Variants in MYPN observed in about 807,000 individuals in gnomAD.
MYPN encodes sarcomeric protein myopalladin, 145 kDa (MYOP).
MYPN carries 63 observed loss-of-function variants against 129.4 expected under a neutral mutation model. The observed-to-expected ratio is 0.49, with a 90% CI of 0.40 to 0.60. The LOEUF is 0.60. MYPN is among the 20% of genes least tolerant of loss of function. The pLI is 0.00. For missense variants in MYPN, 1,596 were observed against 1,635.4 expected (o/e 0.98, Z 0.42); for synonymous variants, 629 against 600.9 (o/e 1.05, Z -0.68).
chr10:68,175,236 T>C (rs1405562708), intron 11 of MYPN, 87 bp from the exon 12 acceptor site: 1 of 1,439,178 alleles, frequency 6.9e-7, no homozygotes, highest in Non-Finnish European at 9.8e-7. Flanking sequence ...TGGTTTCTGG[T>C]TGTCATTTCA....
At chr10:68,193,797 G>GCACACACA (rs368376657) in intron 13 of MYPN, among the ~76,000 whole-genome samples, 2,306 of 127,542 alleles carry the variant, frequency 0.018, 35 homozygotes, top group African/African-American at 0.044. Flanking sequence ...ATGTGTATGT[G>GCACACACA]CACACACACA....
At chr10:68,170,816 A>C (rs1404007286) in intron 10 of MYPN, among the ~76,000 whole-genome samples, 1 of 152,168 alleles carries the variant, frequency 6.6e-6, no homozygotes, top group African/African-American at 2.4e-5. Flanking sequence ...AGATTATTTT[A>C]ATGTGCAGCC....
In MYPN at chr10:68,161,679, G is replaced by T. The variant is rs939028729; in HGVS notation, c.1460-50G>T. On this transcript the variant is annotated intron_variant, in intron 7 of 19. Coordinates refer to ENST00000358913, the MANE Select transcript of MYPN (RefSeq NM_032578.4). ...ATAGGAAGCTTCTGATGAACATGTA[G>T]TTTCTCAGTAAAATAAATGCTCAGA... 3.3e-6 allele frequency: 5 copies of T among 1,499,106 alleles called. No homozygotes were observed. The Middle Eastern group carries it at 8.8e-4, about 264-fold the overall frequency. The allele number at this position is 1,499,106 out of a possible 1,614,324, so 92.9% of individuals were successfully genotyped here. A position where few individuals can be genotyped will look rare whatever the true frequency, so the allele number is the denominator to read the frequency against.
At chr10:68,150,174 G>A in intron 6 of MYPN, 63 bp downstream of exon 6, 2 of 1,351,742 alleles carry the variant, frequency 1.5e-6, no homozygotes, top group South Asian at 1.2e-5. Context: ...CAAAGTTATA[G>A]GATACAAGAT....
At chr10:68,169,329 G>A (rs1332583597) in intron 10 of MYPN, among the ~76,000 whole-genome samples, 2 of 149,474 alleles carry the variant, frequency 1.3e-5, no homozygotes, top group African/African-American at 2.5e-5. Context: ...CTGCACTCCA[G>A]CCTGGGCAAC....
At chr10:68,135,272 T>A (rs1407308689) in intron 2 of MYPN, among the ~76,000 whole-genome samples, 2 of 152,238 alleles carry the variant, frequency 1.3e-5, no homozygotes, top group South Asian at 4.1e-4. Flanking sequence ...TAAATTTTAA[T>A]AACACTTAAA....
chr10:68,107,295 A>G (rs1224750337), upstream of MYPN, among the ~76,000 whole-genome samples: 2 of 151,960 alleles, frequency 1.3e-5, no homozygotes, highest in East Asian at 3.9e-4. Flanking sequence ...GTAAAAATGA[A>G]AAGAGAAAGA....
intron 1 of MYPN, among the ~76,000 whole-genome samples, chr10:68,091,128 T>C (rs1172132560): frequency 6.6e-6 from 1 of 152,124 alleles, no homozygotes; most frequent in Non-Finnish European, 1.5e-5. Flanking sequence ...TTTAAAAAAC[T>C]AAACTGAAAT....
chr10:68,148,374 G>A lies in MYPN; in HGVS notation c.1152G>A (p.Val384=). ...EMNRIQKPNE[V]SSPPTTSAVI... ...TCAGAATCCAGAAGCCAAATGAGGT[G>A]TCATCTCCTCCCACTACCTCTGCAG... Residue 384 remains valine (V), a synonymous_variant, in exon 5 of 20, where the codon GTG becomes GTA. Coordinates refer to ENST00000358913, the MANE Select transcript of MYPN (RefSeq NM_032578.4). 1 of 1,613,988 alleles carries A rather than the reference G, an allele frequency of 6.2e-7. No individual in the cohort carries two copies. The highest frequency in any genetic ancestry group is 8.5e-7 in the Non-Finnish European group (1 of 1,179,884).
chr10:68,125,148 T>G (rs2042306274), intron 2 of MYPN, among the ~76,000 whole-genome samples: 1 of 152,170 alleles, frequency 6.6e-6, no homozygotes, highest in Non-Finnish European at 1.5e-5. Context: ...AAATGTCAAT[T>G]AGGAAGACAT....
chr10:68,196,274 A>T (rs1204868830), intron 15 of MYPN, among the ~76,000 whole-genome samples: 3 of 152,218 alleles, frequency 2.0e-5, no homozygotes, highest in Non-Finnish European at 4.4e-5. Context: ...CCAATACAAC[A>T]ACTGGTTTTC....
chr10:68,104,195 T>C (rs930217252), upstream of MYPN, among the ~76,000 whole-genome samples: 5 of 152,184 alleles, frequency 3.3e-5, no homozygotes, highest in Admixed American at 3.3e-4. Flanking sequence ...TCATTAACAT[T>C]AGTGTGATTA....
chr10:68,092,497 A>G (rs2041935826), intron 1 of MYPN, among the ~76,000 whole-genome samples: 1 of 145,968 alleles, frequency 6.9e-6, no homozygotes, highest in African/African-American at 2.6e-5. Context: ...CTTCGTCTCA[A>G]AAAAAAAAAA....
intron 2 of MYPN, among the ~76,000 whole-genome samples, chr10:68,131,263 C>G (rs1378739799): frequency 6.6e-6 from 1 of 151,830 alleles, no homozygotes; most frequent in Non-Finnish European, 1.5e-5. Context: ...GTGGCGGGCA[C>G]CTGCAGTCTC....
At chr10:68,177,942 A>T (rs2043253722) in intron 12 of MYPN, among the ~76,000 whole-genome samples, 1 of 152,254 alleles carries the variant, frequency 6.6e-6, no homozygotes, top group African/African-American at 2.4e-5. Context: ...ATGATCTAGC[A>T]TTAACACATT....
chr10:68,167,583 T>TA (rs10712187), intron 10 of MYPN, among the ~76,000 whole-genome samples: 9,258 of 152,030 alleles, frequency 0.061, 974 homozygotes, highest in African/African-American at 0.21. Flanking sequence ...ATCAAAATGA[T>TA]AAAAAAATTG....
In MYPN at chr10:68,121,801, C is replaced by G. The variant is rs373647545; in HGVS notation, c.363C>G (p.Asn121Lys). ...LSFEPNFCQD[N>K]PRSPTSSKES... is the part of the protein sequence containing the mutation. ...TTGAGCCTAACTTCTGCCAGGATAACCCTCGAAGTCCCACCAGCTCTAAAG... is the reference window on the plus strand; with the variant it reads ...TTGAGCCTAACTTCTGCCAGGATAAGCCTCGAAGTCCCACCAGCTCTAAAG... The change falls in exon 2 of 20, where the codon AAC becomes AAG. Residue 121 changes from asparagine (N) to lysine (K), a missense_variant. By Grantham distance (94) the Asn-to-Lys change is moderately conservative. Coordinates refer to ENST00000358913, the MANE Select transcript of MYPN (RefSeq NM_032578.4). 1.9e-6 allele frequency: 3 copies of G among 1,614,086 alleles called. No homozygotes were observed. The African/African-American group carries it at 4.0e-5, about 22-fold the overall frequency.
chr10:68,158,219 TG>T (rs1278436032), intron 6 of MYPN: 2 of 433,308 alleles, frequency 4.6e-6, no homozygotes, highest in Non-Finnish European at 8.4e-6. Flanking sequence ...GTGCGCTCAG[TG>T]GAAGAAGATG....
At chr10:68,132,607 G>A (rs757750754) in intron 2 of MYPN, among the ~76,000 whole-genome samples, 1 of 152,092 alleles carries the variant, frequency 6.6e-6, no homozygotes, top group African/African-American at 2.4e-5. Context: ...TATCACTCCT[G>A]TCCAGACCAT....
Sources: gnomAD v4.1 joint callset for allele counts (sites outside exome capture counted in the v4.1 genomes callset) on GRCh38, gnomAD v4.1.1 for gene constraint, MANE v1.5 for transcripts, NCBI Gene and HGNC (gene_info 2026-07-23, HGNC 2026-07-21) for gene names.